Variants in GRIK1 observed in about 807,000 individuals in gnomAD.
GRIK1 encodes the protein glutamate receptor ionotropic, kainate 1.
Under a neutral mutation model 105.7 loss-of-function variants are expected in GRIK1, and 69 were observed. That is an observed-to-expected ratio of 0.65 (90% CI 0.54 to 0.80). The LOEUF is 0.80. Ranked by LOEUF, GRIK1 falls within the 30% of genes least tolerant of loss-of-function variation. The probability of loss-of-function intolerance (pLI) is 0.00; values close to 1 mark genes in which losing one functional copy is unlikely to be tolerated. For missense variants in GRIK1, 1,109 were observed against 1,167.3 expected (o/e 0.95, Z 0.73); for synonymous variants, 438 against 431.3 (o/e 1.02, Z -0.19).
intron 1 of GRIK1, among the ~76,000 whole-genome samples, chr21:29,765,945 G>A (rs894775757): frequency 6.6e-6 from 1 of 151,578 alleles, no homozygotes; most frequent in Non-Finnish European, 1.5e-5. Flanking sequence ...TCCACCTCCC[G>A]GGTTCACGCC....
At chr21:29,888,909 T>G (rs947222146) in intron 1 of GRIK1, among the ~76,000 whole-genome samples, 1 of 147,696 alleles carries the variant, frequency 6.8e-6, no homozygotes, top group African/African-American at 2.5e-5. Flanking sequence ...ATGGAAAGGT[T>G]TCCCTTTTTA....
chr21:29,776,693 G>A (rs2065952669), intron 1 of GRIK1, among the ~76,000 whole-genome samples: 1 of 152,208 alleles, frequency 6.6e-6, no homozygotes, highest in Non-Finnish European at 1.5e-5. Context: ...TTTAGAAGGG[G>A]TTGTTAGTGA....
intron 1 of GRIK1, among the ~76,000 whole-genome samples, chr21:29,703,798 A>G (rs959682095): frequency 6.6e-6 from 1 of 152,218 alleles, no homozygotes; most frequent in African/African-American, 2.4e-5. Flanking sequence ...GCTCTAATTC[A>G]GTCTGCTATA....
chr21:29,890,519 T>G (rs960980096), intron 1 of GRIK1, among the ~76,000 whole-genome samples: 3 of 152,146 alleles, frequency 2.0e-5, no homozygotes, highest in Admixed American at 2.0e-4. Context: ...CAGGCCCACA[T>G]TTTTGAAGTC....
intron 1 of GRIK1, among the ~76,000 whole-genome samples, chr21:29,870,437 T>G (rs886684365): frequency 6.6e-6 from 1 of 151,916 alleles, no homozygotes; most frequent in African/African-American, 2.4e-5. Context: ...TCTAGCCAGT[T>G]TAGAAGATGA....
At chr21:29,788,702 C>T (rs1434638809) in intron 1 of GRIK1, among the ~76,000 whole-genome samples, 1 of 152,132 alleles carries the variant, frequency 6.6e-6, no homozygotes, top group Non-Finnish European at 1.5e-5. Context: ...CAGTGAAAGC[C>T]TTGAGCTTGT....
At chr21:29,762,285 T>A (rs2065546864) in intron 1 of GRIK1, among the ~76,000 whole-genome samples, 1 of 152,238 alleles carries the variant, frequency 6.6e-6, no homozygotes, top group Non-Finnish European at 1.5e-5. Context: ...GGTGCCATTA[T>A]GAATAACATT....
At chr21:29,771,958 A>G (rs1157579626) in intron 1 of GRIK1, among the ~76,000 whole-genome samples, 1 of 152,228 alleles carries the variant, frequency 6.6e-6, no homozygotes, top group African/African-American at 2.4e-5. Flanking sequence ...TGGGACAGCC[A>G]GATCCATTCT....
intron 7 of GRIK1, among the ~76,000 whole-genome samples, chr21:29,609,037 G>T (rs1221255390): frequency 2.0e-5 from 3 of 151,204 alleles, no homozygotes; most frequent in Non-Finnish European, 4.4e-5. Context: ...AAGATATCTT[G>T]GGATACCTGG....
At chr21:29,824,850 G>A (rs1030618959) in intron 1 of GRIK1, among the ~76,000 whole-genome samples, 5 of 151,948 alleles carry the variant, frequency 3.3e-5, no homozygotes. Flanking sequence ...CACTGACTTC[G>A]CTGTGGAGAA....
intron 1 of GRIK1, among the ~76,000 whole-genome samples, chr21:29,918,643 A>G (rs1048110360): frequency 1.3e-5 from 2 of 152,090 alleles, no homozygotes; most frequent in African/African-American, 4.8e-5. Context: ...TTTATTTACC[A>G]AGCATACTAT....
At chr21:29,556,660 C>A (rs937175136) in intron 15 of GRIK1, among the ~76,000 whole-genome samples, 1 of 152,134 alleles carries the variant, frequency 6.6e-6, no homozygotes, top group Non-Finnish European at 1.5e-5. Context: ...AAGATGATGT[C>A]TTCCCAACAT....
chr21:29,897,287 A>G (rs1413809745), intron 1 of GRIK1, among the ~76,000 whole-genome samples: 1 of 152,226 alleles, frequency 6.6e-6, no homozygotes, highest in Non-Finnish European at 1.5e-5. Flanking sequence ...TTGAAATTAC[A>G]AAGAACCATT....
At position 29,630,771 on chromosome 21, in the gene GRIK1, TTTTTG is replaced by T. The variant is rs201600356; in HGVS notation, c.1098+12050_1098+12054del. The T allele has an allele frequency of 3.6e-3, 1,290 of 353,428 alleles. 16 individuals carry two copies. The highest frequency in any genetic ancestry group is 0.026 in the African/African-American group (1,187 of 46,200). 21.9% of individuals were successfully genotyped at this position (353,428 alleles called of 1,614,324 possible). A position where few individuals can be genotyped will look rare whatever the true frequency, so the allele number is the denominator to read the frequency against. ...TCCCTAGTTTGTGTGTGTGTGTGTG[TTTTTG>T]TTTTGTTTTGTTTTGTTTTTTGTTT... On this transcript the variant is annotated intron_variant, in intron 7 of 17. Coordinates refer to ENST00000327783, the MANE Select transcript of GRIK1 (RefSeq NM_001330994.2).
intron 16 of GRIK1, chr21:29,553,748 A>T (rs1161528981): frequency 3.1e-6 from 4 of 1,301,878 alleles, no homozygotes; most frequent in Non-Finnish European, 4.3e-6. Flanking sequence ...AAAAATGAAT[A>T]AATCAGAAGC....
intron 6 of GRIK1, among the ~76,000 whole-genome samples, chr21:29,648,086 G>C (rs529516028): frequency 6.6e-6 from 1 of 152,206 alleles, no homozygotes; most frequent in Non-Finnish European, 1.5e-5. Flanking sequence ...GAAATTCTAG[G>C]AAATGCTTAA....
chr21:29,735,438 T>G lies in GRIK1; in HGVS notation c.119-41375A>C, dbSNP rs972357823. ...GGTGACAGTCCTAATTTCATCCTATTGACAGATATAATTTTATGTCTTTAA... is the reference window on the plus strand; with the variant it reads ...GGTGACAGTCCTAATTTCATCCTATGGACAGATATAATTTTATGTCTTTAA... On this transcript the variant is annotated intron_variant, in intron 1 of 17. Coordinates refer to ENST00000327783, the MANE Select transcript of GRIK1 (RefSeq NM_001330994.2). 5.3e-5 allele frequency among the ~76,000 whole-genome samples: 8 copies of G among 152,232 alleles called. 1 individual carries two copies. The highest frequency in any genetic ancestry group is 2.6e-4 in the Admixed American group (4 of 15,284).
chr21:29,546,546 C>T (rs2090053778), intron 16 of GRIK1, among the ~76,000 whole-genome samples: 1 of 152,226 alleles, frequency 6.6e-6, no homozygotes, highest in Non-Finnish European at 1.5e-5. Context: ...AGCCTCCTCA[C>T]AGAGATTAAG....
chr21:29,913,352 C>A (rs370638204), intron 1 of GRIK1, among the ~76,000 whole-genome samples: 2 of 151,936 alleles, frequency 1.3e-5, no homozygotes, highest in East Asian at 3.9e-4. Context: ...TGTTAAAGCA[C>A]AATATATTTC....
Sources: allele counts gnomAD v4.1 joint callset (sites outside exome capture counted in the v4.1 genomes callset), GRCh38; gene constraint gnomAD v4.1.1; transcripts MANE v1.5; gene names NCBI Gene and HGNC (gene_info 2026-07-23, HGNC 2026-07-21).